LAMA2: variants seen among roughly 807,000 people sequenced by gnomAD.
LAMA2 encodes laminin subunit alpha-2.
Under a neutral mutation model 364.8 loss-of-function variants are expected in LAMA2, and 269 were observed. That is an observed-to-expected ratio of 0.74 (90% confidence interval 0.67 to 0.82). LAMA2 has a LOEUF of 0.82. LAMA2 is among the 40% of genes least tolerant of loss of function. LAMA2 has a pLI of 0.00. For synonymous variants in LAMA2, 1,379 were observed against 1,370.6 expected (o/e 1.01, Z -0.14); for missense variants, 3,807 against 3,873.2 (o/e 0.98, Z 0.45).
chr6:129,391,648 G>A lies in LAMA2; in HGVS notation c.5229G>A (p.Glu1743=). 1 of 1,612,502 alleles carries A rather than the reference G, an allele frequency of 6.2e-7. No homozygotes were observed. The highest frequency in any genetic ancestry group is 2.2e-5 in the East Asian group (1 of 44,846). The change falls in exon 36 of 65, where the codon GAG becomes GAA. Residue 1743 remains glutamate (E), a synonymous_variant. Transcript: ENST00000421865. ...LETQKEIAED[E]LVAAEALLKK... ...CACAAAAGGAAATTGCTGAAGATGA[G>A]TTGGTGTGAGTAGATGAGTTATTAT...
chr6:129,240,908 A>G (rs1313889118), intron 12 of LAMA2, among the ~76,000 whole-genome samples: 1 of 152,160 alleles, frequency 6.6e-6, no homozygotes, highest in South Asian at 2.1e-4. Flanking sequence ...TTCTCCTTCA[A>G]CTGCAGATCA....
At chr6:129,454,331 T>G (rs1782847567) in intron 47 of LAMA2, 43 bp downstream of exon 47, 2 of 1,515,252 alleles carry the variant, frequency 1.3e-6, no homozygotes, top group Non-Finnish European at 1.8e-6. Context: ...ATGATAGAAT[T>G]TTGAAGTAGT....
intron 1 of LAMA2, among the ~76,000 whole-genome samples, chr6:128,975,008 T>C (rs189014225): frequency 6.6e-6 from 1 of 151,954 alleles, no homozygotes; most frequent in Non-Finnish European, 1.5e-5. Context: ...CCCACCACCA[T>C]GCCCAGCTAA....
intron 10 of LAMA2, among the ~76,000 whole-genome samples, chr6:129,178,929 G>C (rs117134672): frequency 0.01 from 1,557 of 152,176 alleles, 19 homozygotes; most frequent in Admixed American, 0.019. Flanking sequence ...GGGCAATTTA[G>C]GTTCCTATTT....
At chr6:129,084,944 T>C (rs1177573728) in intron 3 of LAMA2, among the ~76,000 whole-genome samples, 1 of 152,176 alleles carries the variant, frequency 6.6e-6, no homozygotes, top group Non-Finnish European at 1.5e-5. Flanking sequence ...TATCCAGTCT[T>C]TGCCATTCAC....
chr6:129,067,521 A>G (rs1256752169), intron 3 of LAMA2, among the ~76,000 whole-genome samples: 1 of 152,160 alleles, frequency 6.6e-6, no homozygotes, highest in Non-Finnish European at 1.5e-5. Flanking sequence ...AGTCACAGCA[A>G]TCTCATTAGT....
At chr6:129,423,529 CA>C (rs570116269) in intron 40 of LAMA2, among the ~76,000 whole-genome samples, 20 of 148,412 alleles carry the variant, frequency 1.3e-4, no homozygotes, top group Non-Finnish European at 2.5e-4. Flanking sequence ...TCTCTACAAC[CA>C]AAAAAAAAGT....
chr6:129,037,666 ATT>A (rs375410908), intron 1 of LAMA2, among the ~76,000 whole-genome samples: 6 of 140,738 alleles, frequency 4.3e-5, no homozygotes, highest in Admixed American at 7.1e-5. Context: ...ATTTAATTTA[ATT>A]TTTTTTTTTT....
At chr6:129,326,895 C>A (rs1430558425) in intron 28 of LAMA2, among the ~76,000 whole-genome samples, 1 of 150,234 alleles carries the variant, frequency 6.7e-6, no homozygotes, top group Admixed American at 6.7e-5. Flanking sequence ...CTATGAACCA[C>A]TTTTAAATAG....
chr6:128,887,564 A>T (rs1053144928), intron 1 of LAMA2, among the ~76,000 whole-genome samples: 1 of 152,010 alleles, frequency 6.6e-6, no homozygotes, highest in Non-Finnish European at 1.5e-5. Context: ...TAATGAACTG[A>T]ATCTATATCA....
At chr6:129,228,108 T>C (rs1784441501) in intron 12 of LAMA2, among the ~76,000 whole-genome samples, 1 of 152,158 alleles carries the variant, frequency 6.6e-6, no homozygotes, top group South Asian at 2.1e-4. Flanking sequence ...CAAGGCTCCG[T>C]AGGCATGGGA....
At chr6:129,157,510 G>A (rs1010025298) in intron 8 of LAMA2, 18 of 1,611,540 alleles carry the variant, frequency 1.1e-5, no homozygotes, top group Middle Eastern at 2.2e-4. Context: ...TTTCTCCTCC[G>A]ATGGTTTAAC....
intron 9 of LAMA2, among the ~76,000 whole-genome samples, chr6:129,166,409 T>A (rs1333048733): frequency 1.3e-5 from 2 of 152,184 alleles, no homozygotes; most frequent in Non-Finnish European, 2.9e-5. Flanking sequence ...ATGTAGTGTT[T>A]TTTTCCCTAA....
chr6:128,966,666 A>C (rs1408891643), intron 1 of LAMA2, among the ~76,000 whole-genome samples: 1 of 152,138 alleles, frequency 6.6e-6, no homozygotes, highest in Non-Finnish European at 1.5e-5. Flanking sequence ...TTGTTGTCTC[A>C]ATGCTAAATA....
At chr6:129,138,708 A>G (rs577993763) in intron 4 of LAMA2, among the ~76,000 whole-genome samples, 1 of 152,238 alleles carries the variant, frequency 6.6e-6, no homozygotes, top group East Asian at 1.9e-4. Flanking sequence ...GCTTTCTGAT[A>G]AGGTATGGTA....
chr6:129,378,387 A>G (rs557286127), intron 34 of LAMA2, among the ~76,000 whole-genome samples: 2 of 152,298 alleles, frequency 1.3e-5, no homozygotes, highest in South Asian at 4.2e-4. Context: ...TGGCAGTGAT[A>G]CCACTATCTA....
At chr6:129,294,610 A>T (rs542422186) in intron 20 of LAMA2, among the ~76,000 whole-genome samples, 2 of 152,250 alleles carry the variant, frequency 1.3e-5, no homozygotes, top group East Asian at 3.9e-4. Flanking sequence ...GAGGGTTAAG[A>T]TTTCTACATA....
chr6:129,387,004 G>T (rs1779052842), intron 35 of LAMA2, among the ~76,000 whole-genome samples: 2 of 151,090 alleles, frequency 1.3e-5, no homozygotes, highest in African/African-American at 4.9e-5. Context: ...AAATCTTCTG[G>T]GACTATTTCA....
intron 16 of LAMA2, among the ~76,000 whole-genome samples, chr6:129,269,285 A>G (rs1382236035): frequency 6.6e-6 from 1 of 151,918 alleles, no homozygotes; most frequent in Non-Finnish European, 1.5e-5. Flanking sequence ...GTGGTATGTA[A>G]TGTGAGCAAA....
Sources: gnomAD v4.1 joint callset for allele counts (sites outside exome capture counted in the v4.1 genomes callset) on GRCh38, gnomAD v4.1.1 for gene constraint, MANE v1.5 for transcripts, NCBI Gene and HGNC (gene_info 2026-07-23, HGNC 2026-07-21) for gene names.